The following PLIN2 variants were observed in gnomAD, a reference collection of about 807,000 sequenced individuals.
PLIN2 encodes perilipin-2.
PLIN2 carries 33 observed loss-of-function variants against 30.6 expected under a neutral mutation model. The observed-to-expected ratio is 1.08, with a 90% CI of 0.82 to 1.44. The LOEUF (loss-of-function observed/expected upper bound fraction) is 1.44, where lower values mean the gene tolerates loss of function less well. PLIN2 is among the 40% of genes most tolerant of loss of function. The pLI, the probability that PLIN2 is intolerant of heterozygous loss-of-function variation, is 0.00. For missense variants in PLIN2, 610 were observed against 531.8 expected, an observed-to-expected ratio of 1.15 and a Z score of -1.45; for synonymous variants, 205 against 201.1, an observed-to-expected ratio of 1.02 and a Z score of -0.16.
Position 19,116,085 on chromosome 9 carries a change from G to T in PLIN2, c.*163C>A. Reference sequence around the variant, plus strand: ...AGGTGAACAGAAATCATCTGCTAATGCCAGAAACTTTAAAGCTCTTAATTC... The same window carrying T: ...AGGTGAACAGAAATCATCTGCTAATTCCAGAAACTTTAAAGCTCTTAATTC... On this transcript the variant is annotated 3_prime_UTR_variant, in exon 8 of 8. Coordinates refer to ENST00000276914, the MANE Select transcript of PLIN2 (RefSeq NM_001122.4). 1.7e-6 allele frequency: 1 copy of T among 578,158 alleles called. No homozygotes were observed. The highest frequency in any genetic ancestry group is 2.9e-6 in the Non-Finnish European group (1 of 344,886). The allele number at this position is 578,158 out of a possible 1,614,324, so 35.8% of individuals were successfully genotyped here. A position where few individuals can be genotyped will look rare whatever the true frequency, so the allele number is the denominator to read the frequency against.
At chr9:19,122,245 T>G (rs1196071014) in intron 4 of PLIN2, among the ~76,000 whole-genome samples, 1 of 152,114 alleles carries the variant, frequency 6.6e-6, no homozygotes, top group Non-Finnish European at 1.5e-5. Flanking sequence ...TGCACAAGCA[T>G]TCTAAAGGCT....
At chr9:19,118,490 A>T in intron 6 of PLIN2, 35 bp from the exon 7 acceptor site, 1 of 1,595,776 alleles carries the variant, frequency 6.3e-7, no homozygotes, top group Non-Finnish European at 8.5e-7. Context: ...GGAACACACA[A>T]GTCAGATATT....
At position 19,127,039 on chromosome 9, in the gene PLIN2, C is replaced by CAA. The variant is rs34415845; in HGVS notation, c.-23+378_-23+379dup. On this transcript the variant is annotated intron_variant, in intron 1 of 7. Transcript: ENST00000276914. This position sits in a 1 kb window ranked among gnomAD's most constrained non-coding sequence, Gnocchi z 4.3. ...CCTGGGCGACAGAGCGAGACTCCGT[C>CAA]AAAAAAAAAATGCGGTTTTCTAACG... 8.7e-5 allele frequency among the ~76,000 whole-genome samples: 13 copies of CAA among 149,290 alleles called. No individual in the cohort carries two copies. Among genetic ancestry groups the CAA allele is most frequent in the African/African-American group, 2.7e-4 (11 of 40,888 alleles).
chr9:19,114,316 G>A (rs1818193124), downstream of PLIN2, among the ~76,000 whole-genome samples: 1 of 152,194 alleles, frequency 6.6e-6, no homozygotes, highest in Admixed American at 6.6e-5. Context: ...AGGATAGAAA[G>A]AGACTAATTT....
At chr9:19,118,720 T>C (rs1391572148) in intron 6 of PLIN2, among the ~76,000 whole-genome samples, 1 of 152,160 alleles carries the variant, frequency 6.6e-6, no homozygotes, top group East Asian at 1.9e-4. Flanking sequence ...ACTAAAAAAC[T>C]ACAAAAAATT....
chr9:19,119,305 T>C (rs933071537), intron 6 of PLIN2, among the ~76,000 whole-genome samples: 10 of 152,210 alleles, frequency 6.6e-5, no homozygotes, highest in African/African-American at 2.4e-4. Context: ...AGTGTAGGTA[T>C]GCTTGTAACT....
At chr9:19,114,227 T>G (rs1360368432), downstream of PLIN2, among the ~76,000 whole-genome samples, 3 of 152,016 alleles carry the variant, frequency 2.0e-5, no homozygotes, top group Admixed American at 1.3e-4. Flanking sequence ...TAAAAAACTT[T>G]AATAAACTCA....
At chr9:19,123,039 A>C (rs1266498351) in intron 4 of PLIN2, among the ~76,000 whole-genome samples, 1 of 152,224 alleles carries the variant, frequency 6.6e-6, no homozygotes, top group Non-Finnish European at 1.5e-5. Context: ...TTATGAAAAG[A>C]CACAGAGCTA....
chr9:19,110,377 C>T lies in PLIN2; in HGVS notation n.418-1630G>A, dbSNP rs77008525. ...GAATTTGTGCTTAAGATGAATATAA[C>T]GGTGATGGTTGTATAACATTGTGAA... is the stretch of plus-strand genomic sequence containing the variant. On this transcript the variant is annotated intron_variant and non_coding_transcript_variant, in intron 2 of 2. Transcript: ENST00000464326. Among the ~76,000 whole-genome samples the T allele has an allele frequency of 5.3e-5, 8 of 152,186 alleles. No individual in the cohort carries two copies. The East Asian group carries it at 1.2e-3, about 22-fold the overall frequency.
At chr9:19,114,096 G>A (rs189990329), downstream of PLIN2, among the ~76,000 whole-genome samples, 78 of 152,034 alleles carry the variant, frequency 5.1e-4, no homozygotes, top group Admixed American at 1.4e-3. Flanking sequence ...TATGTTTTTA[G>A]TAGAGACTGG....
downstream of PLIN2, among the ~76,000 whole-genome samples, chr9:19,115,309 T>A (rs946160393): frequency 6.4e-4 from 97 of 150,762 alleles, no homozygotes; most frequent in African/African-American, 2.1e-3. Flanking sequence ...TATTTTCTTT[T>A]CTTTTTTTTT....
intron 4 of PLIN2, among the ~76,000 whole-genome samples, chr9:19,122,325 T>C (rs1818331487): frequency 1.3e-5 from 2 of 152,242 alleles, no homozygotes; most frequent in Non-Finnish European, 1.5e-5. Flanking sequence ...TATTCAATGA[T>C]AGTCCCATAA....
intron 4 of PLIN2, among the ~76,000 whole-genome samples, chr9:19,122,674 ACCATTACCAGT>A (rs544789800): frequency 1.9e-3 from 284 of 152,040 alleles, no homozygotes; most frequent in Middle Eastern, 0.01. Flanking sequence ...CGGGCCATGG[ACCATTACCAGT>A]CCATTACCAG....
intron 3 of PLIN2, 40 bp downstream of exon 3, chr9:19,126,074 A>T: frequency 1.9e-6 from 3 of 1,573,402 alleles, no homozygotes; most frequent in Non-Finnish European, 2.6e-6. Context: ...CTCGCCACTG[A>T]CCAGTCCCTT....
chr9:19,117,600 G>T (rs1437881321), intron 7 of PLIN2, among the ~76,000 whole-genome samples: 1 of 150,738 alleles, frequency 6.6e-6, no homozygotes, highest in African/African-American at 2.4e-5. Context: ...GGCTGCCTGA[G>T]ATAGTCTTCC....
chr9:19,113,721 A>C (rs1386385956), downstream of PLIN2, among the ~76,000 whole-genome samples: 1 of 150,668 alleles, frequency 6.6e-6, no homozygotes, highest in Non-Finnish European at 1.5e-5. Context: ...TTACAGGTGC[A>C]TACAGCCATG....
chr9:19,117,156 T>C (rs1818241251), intron 7 of PLIN2, among the ~76,000 whole-genome samples: 1 of 151,962 alleles, frequency 6.6e-6, no homozygotes, highest in Non-Finnish European at 1.5e-5. Flanking sequence ...TCTTTCTTTC[T>C]TTTCTTTTCT....
chr9:19,125,922 C>CAAAAAA, intron 3 of PLIN2, 192 bp downstream of exon 3: 1 of 407,460 alleles, frequency 2.5e-6, no homozygotes, highest in Non-Finnish European at 4.3e-6. Flanking sequence ...GACTCCATCT[C>CAAAAAA]AAAAAAAAAA....
rs10453193 is a variant in PLIN2, at chr9:19,116,260, A to G, written c.1302T>C (p.His434=). 1.4e-3 allele frequency: 2,193 copies of G among 1,593,506 alleles called. 26 individuals carry two copies. In the African/African-American group the frequency reaches 0.026, roughly 19 times the overall value. ...KSSQETQRSE[H]KTH ...GATAGGGGCAGGTTTAATGAGTTTT[A>G]TGCTCAGATCGCTGGGTCTCCTGGC... is the stretch of plus-strand genomic sequence containing the variant. The change falls in exon 8 of 8, where the codon CAT becomes CAC. Residue 434 remains histidine, a synonymous_variant. Coordinates refer to ENST00000276914, the MANE Select transcript of PLIN2 (RefSeq NM_001122.4).
Sources: gnomAD v4.1 joint callset for allele counts (sites outside exome capture counted in the v4.1 genomes callset) on GRCh38, gnomAD v4.1.1 for gene constraint, Gnocchi (gnomAD v3.1) non-coding constraint, MANE v1.5 for transcripts, NCBI Gene and HGNC (gene_info 2026-07-23, HGNC 2026-07-21) for gene names.